The following RASA3 variants were observed in gnomAD, a reference collection of about 807,000 sequenced individuals.
RASA3 encodes the protein RAS p21 protein activator 3.
In RASA3, 73 loss-of-function variants were observed where a neutral mutation model predicts 110.0. That is an observed-to-expected ratio of 0.66 (90% CI 0.55 to 0.81). The LOEUF is 0.81. RASA3 is among the 30% of genes least tolerant of loss of function. The pLI, the probability that RASA3 is intolerant of heterozygous loss-of-function variation, is 0.00. For missense variants in RASA3, 976 were observed against 1,113.2 expected (o/e 0.88, Z 1.75); for synonymous variants, 500 against 451.4 (o/e 1.11, Z -1.37).
chr13:114,043,871 GCC>G (rs1566520495), intron 3 of RASA3, among the ~76,000 whole-genome samples: 1 of 8,000 alleles, frequency 1.3e-4, no homozygotes, highest in Admixed American at 1.6e-3. Flanking sequence ...GAGCCCCCCC[GCC>G]CCGCCTCACT....
At chr13:114,107,144 GCCTTGACCCTGGGCA>G (rs34717947) in intron 1 of RASA3, among the ~76,000 whole-genome samples, 88,922 of 151,932 alleles carry the variant, frequency 0.59, 26,227 homozygotes, top group East Asian at 0.75. Flanking sequence ...TCAGGCTCCA[GCCTTGACCCTGGGCA>G]CCTTGACCCT....
Position 114,057,091 on chromosome 13 carries a change from G to T in RASA3, c.174-4936C>A. ...TTTGCAGCTGAGAACCCTGGAGCCA[G>T]AACAGGCTCCAGCACAGGCGATGGG... On this transcript the variant is annotated intron_variant, in intron 2 of 23. Coordinates refer to ENST00000334062, the MANE Select transcript of RASA3 (RefSeq NM_007368.4). This position sits in a 1 kb window ranked among gnomAD's most constrained non-coding sequence, Gnocchi z 5.0. The T allele has an allele frequency of 3.1e-6, 2 of 646,358 alleles. No individual in the cohort carries two copies. The highest frequency in any genetic ancestry group is 7.0e-5 in the South Asian group (1 of 14,268). 40.0% of individuals were successfully genotyped at this position (646,358 alleles called of 1,614,324 possible).
intron 1 of RASA3, among the ~76,000 whole-genome samples, chr13:114,074,463 T>C (rs1205706028): frequency 6.6e-6 from 1 of 152,222 alleles, no homozygotes; most frequent in African/African-American, 2.4e-5. Flanking sequence ...CCCTTCTATT[T>C]TAAGGTTGAA....
chr13:114,057,783 C>G lies in RASA3; in HGVS notation c.174-5628G>C, dbSNP rs552004861. ...CCCATAAAACCTCCGCCAACCACACCCAGACCTGGAAGGGGCACCTCTGGC... is the reference window on the plus strand; with the variant it reads ...CCCATAAAACCTCCGCCAACCACACGCAGACCTGGAAGGGGCACCTCTGGC... On this transcript the variant is annotated intron_variant, in intron 2 of 23. Transcript: ENST00000334062. The surrounding 1 kb of genome is among the most constrained non-coding windows in gnomAD (Gnocchi z 5.0). Among the ~76,000 whole-genome samples, 2 of 152,326 alleles carry G rather than the reference C, an allele frequency of 1.3e-5. No homozygotes were observed. Among genetic ancestry groups the G allele is most frequent in the South Asian group, 2.1e-4 (1 of 4,822 alleles).
intron 3 of RASA3, among the ~76,000 whole-genome samples, chr13:114,043,461 G>A (rs1307491754): frequency 1.3e-5 from 2 of 152,092 alleles, no homozygotes; most frequent in Non-Finnish European, 2.9e-5. Flanking sequence ...CCAGCTCCGG[G>A]ACCCCCGCTC....
intron 22 of RASA3, among the ~76,000 whole-genome samples, chr13:113,992,156 T>C (rs1253517100): frequency 6.6e-6 from 1 of 152,146 alleles, no homozygotes; most frequent in Non-Finnish European, 1.5e-5. Flanking sequence ...CACACTCACA[T>C]ACGTGTCCAC....
At chr13:114,010,502 C>G (rs1339879459) in intron 16 of RASA3, among the ~76,000 whole-genome samples, 2 of 151,528 alleles carry the variant, frequency 1.3e-5, no homozygotes, top group Admixed American at 6.6e-5. Context: ...GACTCCTGAC[C>G]TGGTGGCACC....
At chr13:114,027,959 G>A in intron 5 of RASA3, 32 bp from the exon 6 acceptor site, 1 of 1,582,296 alleles carries the variant, frequency 6.3e-7, no homozygotes, top group Non-Finnish European at 8.7e-7. Context: ...GCGTCAGGAG[G>A]GAGCGCAGAC....
intron 4 of RASA3, among the ~76,000 whole-genome samples, chr13:114,031,571 C>A (rs930196561): frequency 1.3e-5 from 2 of 151,196 alleles, no homozygotes; most frequent in African/African-American, 2.4e-5. Flanking sequence ...TCTGTACATG[C>A]GACTGTGTGT....
intron 1 of RASA3, among the ~76,000 whole-genome samples, chr13:114,097,603 C>G (rs1259358857): frequency 1.3e-5 from 2 of 152,256 alleles, no homozygotes; most frequent in Non-Finnish European, 2.9e-5. Context: ...CAGAAGAGAG[C>G]AGTTACATGA....
intron 1 of RASA3, among the ~76,000 whole-genome samples, chr13:114,076,534 G>A (rs980610705): frequency 2.0e-5 from 3 of 151,586 alleles, no homozygotes; most frequent in Non-Finnish European, 2.9e-5. Flanking sequence ...GCACACGCAC[G>A]CAGGCAGCAC....
At chr13:114,009,175 G>A (rs1438660107) in intron 17 of RASA3, among the ~76,000 whole-genome samples, 2 of 152,240 alleles carry the variant, frequency 1.3e-5, no homozygotes, top group Non-Finnish European at 1.5e-5. Flanking sequence ...CCCAAAGGCA[G>A]TCACGCCAAA....
chr13:114,119,837 C>T (rs2080346700), intron 1 of RASA3, among the ~76,000 whole-genome samples: 1 of 115,678 alleles, frequency 8.6e-6, no homozygotes, highest in East Asian at 2.5e-4. Context: ...CAAGTCCCCC[C>T]CTTCTCTCCA....
intron 4 of RASA3, among the ~76,000 whole-genome samples, chr13:114,030,697 C>G (rs920515658): frequency 4.6e-5 from 7 of 152,104 alleles, no homozygotes; most frequent in African/African-American, 1.7e-4. Context: ...GGTGTGTGTC[C>G]ACCTGTCTGT....
At chr13:114,008,432 C>T (rs1295748617) in intron 17 of RASA3, among the ~76,000 whole-genome samples, 5 of 18,016 alleles carry the variant, frequency 2.8e-4, no homozygotes, top group African/African-American at 6.1e-4. Flanking sequence ...GCGGTCTGGA[C>T]GTTCCCCACG....
intron 4 of RASA3, among the ~76,000 whole-genome samples, chr13:114,032,018 G>A (rs1487348500): frequency 6.6e-6 from 1 of 152,166 alleles, no homozygotes; most frequent in East Asian, 1.9e-4. Flanking sequence ...CACCTAGCCA[G>A]CCTTGAGTGG....
rs373399970 is a variant in RASA3 at position 113,993,968 on chromosome 13, T to C, written c.2142-1380A>G. 7.9e-5 allele frequency among the ~76,000 whole-genome samples: 12 copies of C among 152,344 alleles called. No homozygotes were observed. The East Asian group carries it at 1.9e-3, about 24-fold the overall frequency. On this transcript the variant is annotated intron_variant, in intron 21 of 23. Transcript: ENST00000334062. ...CTGATAGGAACGCGCGGGGCTGTTA[T>C]TTTTAGCAAAATGCTGCCTTGTGCA...
At chr13:114,051,031 G>A (rs1042494761) in intron 3 of RASA3, among the ~76,000 whole-genome samples, 1 of 152,230 alleles carries the variant, frequency 6.6e-6, no homozygotes, top group South Asian at 2.1e-4. Flanking sequence ...ACGGTGTGAG[G>A]AGCCAGTGTG....
At chr13:113,992,446 T>TC in intron 22 of RASA3, 39 bp downstream of exon 22, 1 of 1,541,842 alleles carries the variant, frequency 6.5e-7, no homozygotes, top group South Asian at 1.1e-5. Context: ...TCGCCAGCCA[T>TC]CCCCTCGCTG....
Sources: gnomAD v4.1 joint callset for allele counts (sites outside exome capture counted in the v4.1 genomes callset) on GRCh38, gnomAD v4.1.1 for gene constraint, Gnocchi (gnomAD v3.1) non-coding constraint, MANE v1.5 for transcripts, NCBI Gene and HGNC (gene_info 2026-07-23, HGNC 2026-07-21) for gene names.